NOP14: variants seen among roughly 807,000 people sequenced by gnomAD.
NOP14 encodes the protein nucleolar protein 14.
NOP14 carries 57 observed loss-of-function variants against 101.6 expected under a neutral mutation model. The observed-to-expected ratio is 0.56, with a 90% confidence interval of 0.45 to 0.70. The LOEUF (loss-of-function observed/expected upper bound fraction) is 0.70, where lower values mean the gene tolerates loss of function less well. NOP14 is among the 30% of genes least tolerant of loss of function. NOP14 has a pLI of 0.00. For synonymous variants in NOP14, 428 were observed against 424.0 expected (o/e 1.01, Z -0.12); for missense variants, 1,134 against 1,075.5 (o/e 1.05, Z -0.76).
chr4:2,956,537 A>T, intron 3 of NOP14, 133 bp downstream of exon 3: 5 of 847,348 alleles, frequency 5.9e-6, no homozygotes, highest in Non-Finnish European at 8.6e-6. Context: ...TGAAATTTGT[A>T]GAGAGGTTAA....
chr4:2,963,051 G>A (rs996327196), intron 1 of NOP14, 74 bp downstream of exon 1: 5 of 1,418,666 alleles, frequency 3.5e-6, no homozygotes, highest in South Asian at 1.5e-5. Context: ...GACGCACCGA[G>A]AAGGACGCAG....
At chr4:2,939,014 A>G (rs1264503001) in intron 17 of NOP14, 84 bp from the exon 18 acceptor site, 4 of 1,481,758 alleles carry the variant, frequency 2.7e-6, no homozygotes, top group South Asian at 1.1e-5. Context: ...TCAGAACCAC[A>G]TTAGCCACCG....
rs1560295335 is a variant in NOP14, at chr4:2,942,213, G to T, written c.2030C>A (p.Ser677Ter). ...ATACCGGATGTGATTGGCCTCTGTC[G>T]AAGTTGGGGCCCTCAGTCTACTCGC... ...RWASRLRAPT[S>*]TEANHIRLSC... The change falls in exon 14 of 18, where the codon TCG becomes TAG. Residue 677 changes from serine to a stop codon, truncating the protein, a stop_gained. Coordinates refer to ENST00000416614, the MANE Select transcript of NOP14 (RefSeq NM_001291978.2). LOFTEE classifies it high-confidence loss of function. 6.2e-7 allele frequency: 1 copy of T among 1,614,132 alleles called. No homozygotes were observed. The highest frequency in any genetic ancestry group is 1.3e-5 in the African/African-American group (1 of 75,054).
chr4:2,950,404 G>A (rs1333381659), intron 7 of NOP14, 191 bp from the exon 8 acceptor site: 8 of 624,268 alleles, frequency 1.3e-5, no homozygotes, highest in East Asian at 8.3e-5. Flanking sequence ...TATTCGAGCC[G>A]CAGGAGCTAC....
rs765277318 is a variant in NOP14, at chr4:2,951,109, C to T, written c.1002+5G>A. ...AGAAAGAGAAAATGAAGGCAAACAT[C>T]TTACTTTGTAGGAAAGCAAACGCCT... is the stretch of plus-strand genomic sequence containing the variant. On this transcript the variant is annotated splice_donor_5th_base_variant and intron_variant, in intron 7 of 17. Coordinates refer to ENST00000416614, the MANE Select transcript of NOP14 (RefSeq NM_001291978.2). The T allele has an allele frequency of 2.5e-6, 4 of 1,599,246 alleles. No individual in the cohort carries two copies. The Admixed American group carries it at 6.9e-5, about 28-fold the overall frequency.
chr4:2,948,311 C>T lies in NOP14; in HGVS notation c.1380G>A (p.Pro460=), dbSNP rs1220787322. 8.1e-6 allele frequency: 13 copies of T among 1,607,770 alleles called. No homozygotes were observed. The highest frequency in any genetic ancestry group is 1.7e-4 in the Middle Eastern group (1 of 6,060). Reference sequence around the variant, plus strand: ...TTGCTTTGTTTCCTTCTGCGAGACTCGGGTGGTTGCACTTCTGAATTCTCT... The same window carrying T: ...TTGCTTTGTTTCCTTCTGCGAGACTTGGGTGGTTGCACTTCTGAATTCTCT... ...VVERIQKCNH[P]SLAEGNKAKL... The change falls in exon 9 of 18, where the codon CCG becomes CCA. Residue 460 remains proline (P), a synonymous_variant. Transcript: ENST00000416614.
rs1413865047 is a variant in NOP14, at chr4:2,945,328, G to C, written c.1636-99C>G. 1.4e-5 allele frequency: 13 copies of C among 898,938 alleles called. No individual in the cohort carries two copies. The Admixed American group carries it at 2.7e-4, about 19-fold the overall frequency. The allele number at this position is 898,938 out of a possible 1,614,324, so 55.7% of individuals were successfully genotyped here. On this transcript the variant is annotated intron_variant, in intron 11 of 17. Coordinates refer to ENST00000416614, the MANE Select transcript of NOP14 (RefSeq NM_001291978.2). Reference sequence around the variant, plus strand: ...CGGAGCCAAGAACAGGATCTGGCGAGGAGAGGGTGCATCTCCTTGGCCCAG... The same window carrying C: ...CGGAGCCAAGAACAGGATCTGGCGACGAGAGGGTGCATCTCCTTGGCCCAG...
At chr4:2,949,435 G>A (rs1425795198) in intron 8 of NOP14, among the ~76,000 whole-genome samples, 1 of 152,088 alleles carries the variant, frequency 6.6e-6, no homozygotes, top group African/African-American at 2.4e-5. Context: ...AAACTCCAAG[G>A]CTCAAGTGAC....
At chr4:2,963,042 A>C (rs1716228408) in intron 1 of NOP14, 83 bp downstream of exon 1, 6 of 1,363,584 alleles carry the variant, frequency 4.4e-6, no homozygotes, top group Non-Finnish European at 4.8e-6. Flanking sequence ...GAGGAAACCG[A>C]CGCACCGAGA....
At chr4:2,951,785 G>A (rs890901202) in intron 6 of NOP14, among the ~76,000 whole-genome samples, 6 of 152,240 alleles carry the variant, frequency 3.9e-5, no homozygotes, top group African/African-American at 1.4e-4. Flanking sequence ...GCAACATAGG[G>A]AGATGCTCAT....
chr4:2,963,261 G>C lies in NOP14; in HGVS notation c.59C>G (p.Ala20Gly), dbSNP rs148023884. 3.1e-6 allele frequency: 5 copies of C among 1,590,154 alleles called. No homozygotes were observed. In the Admixed American group the frequency reaches 5.3e-5, roughly 17 times the overall value. The change falls in exon 1 of 18, where the codon GCG becomes GGG. Residue 20 changes from alanine to glycine, a missense_variant. Ala to Gly is a moderately conservative substitution (Grantham distance 60, BLOSUM62 0). Transcript: ENST00000416614. ...GTTGGCCTTCGCCGGGCCCCCTCGCGCTCCCGCCGGCGCCCCGGAGGCCTT... is the reference window on the plus strand; with the variant it reads ...GTTGGCCTTCGCCGGGCCCCCTCGCCCTCCCGCCGGCGCCCCGGAGGCCTT... ...RRKASGAPAG[A>G]RGGPAKANSN...
At chr4:2,961,136 T>C (rs1306508000) in intron 1 of NOP14, among the ~76,000 whole-genome samples, 76 of 56,440 alleles carry the variant, frequency 1.3e-3, no homozygotes, top group African/African-American at 6.0e-3. Context: ...TAATAATATA[T>C]TAATATACTA....
rs765742841 is a variant in NOP14, at chr4:2,941,621, C to T, written c.2160G>A (p.Thr720=). The change falls in exon 15 of 18, where the codon ACG becomes ACA. Residue 720 remains threonine, a synonymous_variant. Coordinates refer to ENST00000416614, the MANE Select transcript of NOP14 (RefSeq NM_001291978.2). The stretch of plus-strand genomic sequence containing the variant: ...GGTGGCTGCAGTCCGCCAGGTGATC[C>T]GTGAGGAGGGCTTGGAGAGGCCCCA... The part of the protein sequence containing the change: ...AIMGPLQALL[T]DHLADCSHPQ... The T allele has an allele frequency of 1.9e-5, 31 of 1,613,048 alleles. No homozygotes were observed. Among genetic ancestry groups the T allele is most frequent in the Non-Finnish European group, 2.2e-5 (26 of 1,179,916 alleles).
At chr4:2,959,061 T>C (rs944920318) in intron 1 of NOP14, among the ~76,000 whole-genome samples, 6 of 152,220 alleles carry the variant, frequency 3.9e-5, no homozygotes, top group Non-Finnish European at 7.3e-5. Context: ...ATTTCTCTTA[T>C]CTCACTTTGA....
chr4:2,949,937 C>T lies in NOP14; in HGVS notation c.1279G>A (p.Ala427Thr), dbSNP rs569715556. 29 of 1,614,060 alleles carry T rather than the reference C, an allele frequency of 1.8e-5. No individual in the cohort carries two copies. Among genetic ancestry groups the T allele is most frequent in the East Asian group, 4.5e-5 (2 of 44,890 alleles). Residue 427 changes from alanine to threonine, a missense_variant, in exon 8 of 18, where the codon GCA (alanine) becomes ACA (threonine). Ala to Thr is a moderately conservative substitution (Grantham distance 58, BLOSUM62 0). Transcript: ENST00000416614. ...ATRDELPYTF[A>T]APESYEELRS... ...GGAAACCCGCGCACTTGCCCACCTG[C>T]GAACGTGTAGGGCAGCTCGTCTCTG...
At chr4:2,962,445 C>A (rs1374411468) in intron 1 of NOP14, among the ~76,000 whole-genome samples, 1 of 152,234 alleles carries the variant, frequency 6.6e-6, no homozygotes, top group African/African-American at 2.4e-5. Flanking sequence ...ATCAGGAGCT[C>A]ATGAAGGCAA....
intron 3 of NOP14, among the ~76,000 whole-genome samples, chr4:2,956,192 T>C (rs1715334224): frequency 6.6e-6 from 1 of 152,226 alleles, no homozygotes; most frequent in African/African-American, 2.4e-5. Context: ...TTCCTCAAAC[T>C]GCTATAATTC....
intron 2 of NOP14, among the ~76,000 whole-genome samples, chr4:2,957,352 T>C (rs571554364): frequency 9.3e-4 from 142 of 152,312 alleles, no homozygotes; most frequent in African/African-American, 3.2e-3. Context: ...ACTCCAGCAA[T>C]GCTGCTCAGC....
intron 3 of NOP14, among the ~76,000 whole-genome samples, chr4:2,955,131 T>C (rs1370682072): frequency 4.1e-5 from 5 of 120,556 alleles, no homozygotes; most frequent in Non-Finnish European, 8.6e-5. Flanking sequence ...CAGCGCCCCC[T>C]CTAGTCACCT....
Sources: gnomAD v4.1 joint callset for allele counts (sites outside exome capture counted in the v4.1 genomes callset) on GRCh38, gnomAD v4.1.1 for gene constraint, MANE v1.5 for transcripts, NCBI Gene and HGNC (gene_info 2026-07-23, HGNC 2026-07-21) for gene names.